The following FAM174A variants were observed in gnomAD, a reference collection of about 807,000 sequenced individuals.
The protein encoded by FAM174A is membrane protein FAM174A.
A neutral mutation model predicts 14.3 loss-of-function variants in FAM174A; 14 were observed. That is an observed-to-expected ratio of 0.98 (90% CI 0.65 to 1.53). The LOEUF is 1.53. Among genes scored for constraint, FAM174A ranks in the 40% most tolerant of loss-of-function variants. The pLI, the probability that FAM174A is intolerant of heterozygous loss-of-function variation, is 0.00. For synonymous variants in FAM174A, 108 were observed against 111.4 expected (o/e 0.97, Z 0.19); for missense variants, 241 against 249.6 (o/e 0.97, Z 0.23).
intron 2 of FAM174A, among the ~76,000 whole-genome samples, chr5:100,574,931 A>G (rs1047773035): frequency 2.0e-5 from 3 of 152,204 alleles, no homozygotes; most frequent in Non-Finnish European, 4.4e-5. Context: ...ATCCAAATTC[A>G]CTATGAAATC....
intron 2 of FAM174A, among the ~76,000 whole-genome samples, chr5:100,566,140 T>TTATATATATATA (rs1580373368): frequency 3.7e-4 from 3 of 8,078 alleles, no homozygotes; most frequent in African/African-American, 6.1e-4. Flanking sequence ...TTGAAAAGTA[T>TTATATATATATA]GATATATATA....
intron 1 of FAM174A, among the ~76,000 whole-genome samples, chr5:100,546,968 G>T (rs1448150866): frequency 6.6e-6 from 1 of 151,762 alleles, no homozygotes; most frequent in African/African-American, 2.4e-5. Flanking sequence ...GACTCCTTTA[G>T]TCTTTATCAC....
At chr5:100,578,868 A>G (rs1183119747) in intron 2 of FAM174A, among the ~76,000 whole-genome samples, 5 of 152,238 alleles carry the variant, frequency 3.3e-5, no homozygotes, top group East Asian at 1.9e-4. Context: ...TGCATAGCCC[A>G]ATGTGTTGCA....
chr5:100,550,782 T>C (rs1746246601), intron 1 of FAM174A, among the ~76,000 whole-genome samples: 1 of 152,152 alleles, frequency 6.6e-6, no homozygotes, highest in Admixed American at 6.6e-5. Flanking sequence ...AGCTGAAAGA[T>C]GAGCAGGCAT....
In FAM174A at chr5:100,535,805, A is replaced by T. The variant is rs1298229646; in HGVS notation, c.275A>T (p.Glu92Val). Reference protein sequence around the residue: ...GNGSNPVAGLETDDHGGKAGE... With the variant: ...GNGSNPVAGLVTDDHGGKAGE... Reference sequence around the variant, plus strand: ...GGCAGCAACCCTGTGGCCGGGCTTGAGACGGACGATCACGGAGGGAAGGCC... The same window carrying T: ...GGCAGCAACCCTGTGGCCGGGCTTGTGACGGACGATCACGGAGGGAAGGCC... The change falls in exon 1 of 3, where the codon GAG becomes GTG. Residue 92 changes from glutamate to valine, a missense_variant. Physicochemically the swap from Glu to Val is moderately radical, Grantham distance 121. Transcript: ENST00000312637. 1 of 1,609,536 alleles carries T rather than the reference A, an allele frequency of 6.2e-7. No homozygotes were observed. The highest frequency in any genetic ancestry group is 2.2e-5 in the East Asian group (1 of 44,820).
chr5:100,558,947 A>G (rs571655451), intron 1 of FAM174A, among the ~76,000 whole-genome samples: 1 of 152,198 alleles, frequency 6.6e-6, no homozygotes, highest in African/African-American at 2.4e-5. Context: ...ATTTAAGGTT[A>G]ATATTGTGAT....
chr5:100,553,158 A>G (rs1746298662), intron 1 of FAM174A, among the ~76,000 whole-genome samples: 1 of 152,154 alleles, frequency 6.6e-6, no homozygotes, highest in East Asian at 1.9e-4. Context: ...GTAAGAAAAG[A>G]ACTCTGGCTA....
chr5:100,583,478 G>A (rs1747060006), intron 2 of FAM174A, among the ~76,000 whole-genome samples: 1 of 152,184 alleles, frequency 6.6e-6, no homozygotes, highest in African/African-American at 2.4e-5. Context: ...CTGCCAATTT[G>A]TTTTCTGGTA....
chr5:100,586,140 C>A (rs1747121822), intron 2 of FAM174A, 41 bp from the exon 3 acceptor site: 3 of 1,128,024 alleles, frequency 2.7e-6, no homozygotes, highest in Admixed American at 4.2e-5. Flanking sequence ...TAAAATTGTT[C>A]TAGAAAGGAT....
intron 2 of FAM174A, among the ~76,000 whole-genome samples, chr5:100,570,850 T>C (rs1313895890): frequency 6.6e-6 from 1 of 151,998 alleles, no homozygotes; most frequent in Non-Finnish European, 1.5e-5. Flanking sequence ...CTTGTTAGCA[T>C]AAGTAAATTT....
At chr5:100,574,287 CAA>C (rs1746856507) in intron 2 of FAM174A, among the ~76,000 whole-genome samples, 1 of 152,090 alleles carries the variant, frequency 6.6e-6, no homozygotes. Context: ...CTCCCAGGTT[CAA>C]GTGATTCTCA....
intron 1 of FAM174A, among the ~76,000 whole-genome samples, chr5:100,545,691 A>C (rs1040802208): frequency 6.6e-6 from 1 of 152,198 alleles, no homozygotes; most frequent in Non-Finnish European, 1.5e-5. Context: ...CATACATATG[A>C]GTATATGTGT....
At chr5:100,580,223 T>C (rs1746984550) in intron 2 of FAM174A, among the ~76,000 whole-genome samples, 1 of 152,100 alleles carries the variant, frequency 6.6e-6, no homozygotes, top group Non-Finnish European at 1.5e-5. Context: ...ATGCCATCAA[T>C]TGAAAGATGC....
At chr5:100,583,567 A>T (rs1161490279) in intron 2 of FAM174A, among the ~76,000 whole-genome samples, 1 of 151,830 alleles carries the variant, frequency 6.6e-6, no homozygotes, top group African/African-American at 2.4e-5. Flanking sequence ...TTTTCTGTTC[A>T]TTGTTCCATT....
At chr5:100,545,689 T>A (rs1746151911) in intron 1 of FAM174A, among the ~76,000 whole-genome samples, 1 of 152,184 alleles carries the variant, frequency 6.6e-6, no homozygotes, top group Non-Finnish European at 1.5e-5. Context: ...TACATACATA[T>A]GAGTATATGT....
At chr5:100,570,007 A>T (rs528276067) in intron 2 of FAM174A, among the ~76,000 whole-genome samples, 1 of 152,060 alleles carries the variant, frequency 6.6e-6, no homozygotes, top group African/African-American at 2.4e-5. Flanking sequence ...GGCATAAAGA[A>T]GCAAAGAATA....
intron 1 of FAM174A, among the ~76,000 whole-genome samples, chr5:100,556,684 A>G (rs944505438): frequency 6.6e-6 from 1 of 152,016 alleles, no homozygotes; most frequent in Non-Finnish European, 1.5e-5. Flanking sequence ...ATTCCTAGGT[A>G]TTTTATTCTC....
chr5:100,581,936 A>T (rs1580379993), intron 2 of FAM174A, among the ~76,000 whole-genome samples: 1 of 152,166 alleles, frequency 6.6e-6, no homozygotes, highest in Non-Finnish European at 1.5e-5. Context: ...GAGTCTCAAA[A>T]CGCCTTTCTG....
At chr5:100,562,399 A>AT (rs1746544691) in intron 2 of FAM174A, among the ~76,000 whole-genome samples, 1 of 151,846 alleles carries the variant, frequency 6.6e-6, no homozygotes, top group Non-Finnish European at 1.5e-5. Context: ...CCATCTCAAA[A>AT]TATTTTTTTT....
Sources: allele counts gnomAD v4.1 joint callset (sites outside exome capture counted in the v4.1 genomes callset), GRCh38; gene constraint gnomAD v4.1.1; transcripts MANE v1.5; gene names NCBI Gene and HGNC (gene_info 2026-07-23, HGNC 2026-07-21).